IFT172: variants seen among roughly 807,000 people sequenced by gnomAD.
IFT172 encodes the protein intraflagellar transport 172, also known as intraflagellar transport protein 172 homolog.
IFT172 carries 164 observed loss-of-function variants against 248.9 expected under a neutral mutation model. The ratio of observed to expected loss-of-function variants is 0.66; its 90% CI spans 0.58 to 0.75. IFT172 has a LOEUF of 0.75. IFT172 is among the 30% of genes least tolerant of loss of function. IFT172 has a pLI of 0.00. For missense variants in IFT172, 1,950 were observed against 2,192.4 expected, an observed-to-expected ratio of 0.89 and a Z score of 2.21; for synonymous variants, 729 against 791.6, an observed-to-expected ratio of 0.92 and a Z score of 1.33.
In IFT172 at chr2:27,484,213, G is replaced by A. The variant is rs780202491; in HGVS notation, c.336+14C>T. ...TGTTCATCCTAAGGTTCCAGGGACT[G>A]GTCTGAACTTTACCGTCTGGATGAA... is the stretch of plus-strand genomic sequence containing the variant. On this transcript the variant is annotated intron_variant, in intron 4 of 47. Coordinates refer to ENST00000260570, the MANE Select transcript of IFT172 (RefSeq NM_015662.3). The A allele has an allele frequency of 6.8e-6, 11 of 1,613,960 alleles. No individual in the cohort carries two copies. The highest frequency in any genetic ancestry group is 9.3e-6 in the Non-Finnish European group (11 of 1,179,896).
At chr2:27,451,106 A>G (rs996677049) in intron 35 of IFT172, among the ~76,000 whole-genome samples, 4 of 152,192 alleles carry the variant, frequency 2.6e-5, no homozygotes, top group Non-Finnish European at 5.9e-5. Context: ...CAGAAATTCT[A>G]CAAACCCAAG....
Position 27,444,534 on chromosome 2 carries a change from G to A in IFT172, c.5161-13C>T. 2 of 1,605,736 alleles carry A rather than the reference G, an allele frequency of 1.2e-6. No individual in the cohort carries two copies. The highest frequency in any genetic ancestry group is 1.7e-6 in the Non-Finnish European group (2 of 1,173,218). ...GGCTGTGGGAGGTCTGTGAGCAAATGGAAGAACATGAGAGGAACTTGTTAA... is the reference window on the plus strand; with the variant it reads ...GGCTGTGGGAGGTCTGTGAGCAAATAGAAGAACATGAGAGGAACTTGTTAA... On this transcript the variant is annotated splice_polypyrimidine_tract_variant and intron_variant, in intron 47 of 47. Coordinates refer to ENST00000260570, the MANE Select transcript of IFT172 (RefSeq NM_015662.3).
At position 27,448,935 on chromosome 2, in the gene IFT172, C is replaced by T. The variant is rs146047876; in HGVS notation, c.4408G>A (p.Gly1470Arg). 7.3e-5 allele frequency: 116 copies of T among 1,590,222 alleles called. No individual in the cohort carries two copies. Among genetic ancestry groups the T allele is most frequent in the African/African-American group, 1.9e-4 (14 of 74,570 alleles). ...AQALALYVQH[G>R]APANPQNFNI... ...GGTACCTGTGGGTTAGCAGGGGCTC[C>T]GTGCTGTACATACAGGGCCAATGCC... is the stretch of plus-strand genomic sequence containing the variant. The change falls in exon 40 of 48, where the codon GGA becomes AGA. Residue 1470 changes from glycine to arginine, a missense_variant. Transcript: ENST00000260570.
At chr2:27,485,852 A>AT (rs1668733358) in intron 1 of IFT172, among the ~76,000 whole-genome samples, 1 of 152,212 alleles carries the variant, frequency 6.6e-6, no homozygotes, top group African/African-American at 2.4e-5. Context: ...TTCAATTAAT[A>AT]TTTTTTTAGC....
Position 27,445,175 on chromosome 2 carries a change from T to TG in IFT172, c.5069-71dup, listed in dbSNP as rs919877709. The TG allele has an allele frequency of 1.2e-6, 2 of 1,600,676 alleles. No homozygotes were observed. The highest frequency in any genetic ancestry group is 1.7e-5 in the Admixed American group (1 of 58,082). ...GAGGAGGGAAAAATGAGGAGCAGCCTGGGGGGTAGAAAGCACAGTCCTGTC... is the reference window on the plus strand; with the variant it reads ...GAGGAGGGAAAAATGAGGAGCAGCCTGGGGGGGTAGAAAGCACAGTCCTGTC... On this transcript the variant is annotated intron_variant, in intron 46 of 47. Coordinates refer to ENST00000260570, the MANE Select transcript of IFT172 (RefSeq NM_015662.3). This position sits in a 1 kb window ranked among gnomAD's most constrained non-coding sequence, Gnocchi z 4.4.
chr2:27,447,112 G>C (rs1252343998), intron 42 of IFT172, among the ~76,000 whole-genome samples: 1 of 152,166 alleles, frequency 6.6e-6, no homozygotes, highest in Non-Finnish European at 1.5e-5. Flanking sequence ...CAAAGTGCTG[G>C]GATTACAGGG....
At position 27,454,935 on chromosome 2, in the gene IFT172, G is replaced by A. The variant is rs1666028949; in HGVS notation, c.3372-275C>T. On this transcript the variant is annotated intron_variant, in intron 30 of 47. Transcript: ENST00000260570. The surrounding 1 kb of genome is among the most constrained non-coding windows in gnomAD (Gnocchi z 4.2). ...GCTCCTGAGGAATTAGTTTGGGCCT[G>A]CGAAGGGGAAGGGAGGAGTGAGCCT... 6.6e-6 allele frequency among the ~76,000 whole-genome samples: 1 copy of A among 152,178 alleles called. No individual in the cohort carries two copies. Among genetic ancestry groups the A allele is most frequent in the Non-Finnish European group, 1.5e-5 (1 of 68,034 alleles).
intron 47 of IFT172, among the ~76,000 whole-genome samples, chr2:27,444,741 G>C (rs1316858270): frequency 1.3e-5 from 2 of 152,104 alleles, no homozygotes; most frequent in Admixed American, 6.6e-5. Flanking sequence ...TCTGCCTCTC[G>C]GGTTTAAGCG....
chr2:27,489,156 C>T (rs1390759355), intron 1 of IFT172, among the ~76,000 whole-genome samples: 1 of 152,148 alleles, frequency 6.6e-6, no homozygotes, highest in African/African-American at 2.4e-5. Flanking sequence ...ACTCCAAAGC[C>T]CACCCTTTCT....
At position 27,462,547 on chromosome 2, in the gene IFT172, G is replaced by C. The variant is rs112896918; in HGVS notation, c.2115+154C>G. On this transcript the variant is annotated intron_variant, in intron 20 of 47. Coordinates refer to ENST00000260570, the MANE Select transcript of IFT172 (RefSeq NM_015662.3). ...ACACAAGAGAAGGAAATTAAGAAAA[G>C]GGTGAAATTAACTATATAAACCCCT... 2.4e-3 allele frequency among the ~76,000 whole-genome samples: 368 copies of C among 152,312 alleles called. 1 individual carries two copies. Among genetic ancestry groups the C allele is most frequent in the African/African-American group, 8.5e-3 (355 of 41,566 alleles).
intron 35 of IFT172, chr2:27,453,154 T>G: frequency 3.0e-6 from 2 of 673,136 alleles, no homozygotes; most frequent in Non-Finnish European, 5.6e-6. Context: ...AATTGAGCCA[T>G]TTATTGGTCT....
In IFT172 at chr2:27,459,692, TTCCCATAC is replaced by T; in HGVS notation, c.2642+9_2642+16del. ...ACTTCACACCTAAATCTCCTTTACATTCCCATACTCCCATACCTGGCTTCGATGTAGTG... is the reference window on the plus strand; with the variant it reads ...ACTTCACACCTAAATCTCCTTTACATTCCCATACCTGGCTTCGATGTAGTG... On this transcript the variant is annotated intron_variant, in intron 24 of 47. Coordinates refer to ENST00000260570, the MANE Select transcript of IFT172 (RefSeq NM_015662.3). 6.2e-7 allele frequency: 1 copy of T among 1,611,446 alleles called. No homozygotes were observed. Among genetic ancestry groups the T allele is most frequent in the African/African-American group, 1.3e-5 (1 of 75,036 alleles).
Position 27,461,055 on chromosome 2 carries a change from C to G in IFT172, c.2481G>C (p.Lys827Asn), listed in dbSNP as rs370989190. The G allele has an allele frequency of 1.9e-6, 3 of 1,614,110 alleles. No individual in the cohort carries two copies. The East Asian group carries it at 6.7e-5, about 36-fold the overall frequency. Reference protein sequence around the residue: ...DLFEKIHNPQKALECYRKGNA... With the variant: ...DLFEKIHNPQNALECYRKGNA... ...TGCCTTTACGGTAGCACTCCAGGGCCTTCTGTGGATTGTGAATCTTCTCAA... is the reference window on the plus strand; with the variant it reads ...TGCCTTTACGGTAGCACTCCAGGGCGTTCTGTGGATTGTGAATCTTCTCAA... Residue 827 changes from lysine to asparagine, a missense_variant, in exon 23 of 48, where the codon AAG (lysine) becomes AAC (asparagine). Physicochemically the swap from Lys to Asn is moderately conservative, Grantham distance 94. This residue lies in a region of IFT172 where 1,166 missense variants were observed against 1,254.1 expected (regional missense o/e 0.93). Coordinates refer to ENST00000260570, the MANE Select transcript of IFT172 (RefSeq NM_015662.3).
intron 8 of IFT172, among the ~76,000 whole-genome samples, chr2:27,480,837 A>G (rs1668301945): frequency 6.6e-6 from 1 of 152,164 alleles, no homozygotes; most frequent in African/African-American, 2.4e-5. Context: ...AAGTGCAGGG[A>G]GCGGCACAGA....
At position 27,454,005 on chromosome 2, in the gene IFT172, CT is replaced by C; in HGVS notation, c.3687del (p.Gly1230AlafsTer87). ...ACCTTATAATAATTGAGGGCCAGGC[CT>C]GGTCTCTGGGCCCGGAGCAGCAGCC... ...AEGLLLRAQR[P>X]GLALNYYKEA... On this transcript the variant is annotated frameshift_variant, in exon 33 of 48. Coordinates refer to ENST00000260570, the MANE Select transcript of IFT172 (RefSeq NM_015662.3). LOFTEE classifies it high-confidence loss of function. This position sits in a 1 kb window ranked among gnomAD's most constrained non-coding sequence, Gnocchi z 4.2. 1 of 1,613,524 alleles carries C rather than the reference CT, an allele frequency of 6.2e-7. No individual in the cohort carries two copies. The highest frequency in any genetic ancestry group is 8.5e-7 in the Non-Finnish European group (1 of 1,179,900).
At chr2:27,478,181 C>G in intron 10 of IFT172, 25 bp from the exon 11 acceptor site, 1 of 1,612,948 alleles carries the variant, frequency 6.2e-7, no homozygotes, top group Non-Finnish European at 8.5e-7. Flanking sequence ...AGTGTGAGCC[C>G]CTTAGGCTTC....
intron 10 of IFT172, 67 bp from the exon 11 acceptor site, chr2:27,478,223 C>T: frequency 6.3e-7 from 1 of 1,586,922 alleles, no homozygotes; most frequent in Non-Finnish European, 8.6e-7. Flanking sequence ...ACAACCATGA[C>T]CTTTGCCCAC....
intron 14 of IFT172, 60 bp from the exon 15 acceptor site, chr2:27,472,422 C>G (rs2148531908): frequency 1.5e-6 from 2 of 1,325,998 alleles, no homozygotes; most frequent in African/African-American, 2.9e-5. Flanking sequence ...ATAGTATGGC[C>G]AACACACATA....
chr2:27,461,287 C>T lies in IFT172; in HGVS notation c.2424G>A (p.Lys808=). The stretch of plus-strand genomic sequence containing the variant: ...AGCATACCCTTTCGTAGAGTTCCCC[C>T]TTGATAAGGGCTGCAGTGATGTGTT... ...LVEHITAALI[K]GELYERAGDL... Residue 808 remains lysine, a synonymous_variant, in exon 22 of 48, where the codon AAG becomes AAA. Transcript: ENST00000260570. 1 of 1,614,082 alleles carries T rather than the reference C, an allele frequency of 6.2e-7. No homozygotes were observed. The highest frequency in any genetic ancestry group is 8.5e-7 in the Non-Finnish European group (1 of 1,179,980).
Sources: allele counts gnomAD v4.1 joint callset (sites outside exome capture counted in the v4.1 genomes callset), GRCh38; gene constraint gnomAD v4.1.1; regional missense constraint gnomAD v4.1.1; non-coding constraint Gnocchi (gnomAD v3.1); transcripts MANE v1.5; gene names NCBI Gene and HGNC (gene_info 2026-07-23, HGNC 2026-07-21).